PITPNM3: variants seen among roughly 807,000 people sequenced by gnomAD.
PITPNM3 encodes membrane-associated phosphatidylinositol transfer protein 3.
A neutral mutation model predicts 102.0 loss-of-function variants in PITPNM3; 26 were observed. The ratio of observed to expected loss-of-function variants is 0.25; its 90% CI spans 0.19 to 0.35. PITPNM3 has a LOEUF of 0.35. PITPNM3 is among the 10% of genes least tolerant of loss of function. The probability of loss-of-function intolerance (pLI) is 1.00; values close to 1 mark genes in which losing one functional copy is unlikely to be tolerated. For synonymous variants in PITPNM3, 578 were observed against 558.6 expected (o/e 1.03, Z -0.49); for missense variants, 1,083 against 1,346.1 (o/e 0.80, Z 3.06).
intron 3 of PITPNM3, among the ~76,000 whole-genome samples, chr17:6,524,684 C>T (rs1229486918): frequency 9.9e-5 from 15 of 152,186 alleles, no homozygotes; most frequent in Admixed American, 5.9e-4. Context: ...TTGACTTATA[C>T]GTGTCACACA....
intron 1 of PITPNM3, among the ~76,000 whole-genome samples, chr17:6,541,966 G>A (rs938519982): frequency 6.6e-6 from 1 of 152,242 alleles, no homozygotes; most frequent in African/African-American, 2.4e-5. Context: ...TAGACATACT[G>A]AATCCCCACC....
At chr17:6,532,658 T>C (rs1909205198) in intron 2 of PITPNM3, among the ~76,000 whole-genome samples, 1 of 152,180 alleles carries the variant, frequency 6.6e-6, no homozygotes, top group South Asian at 2.1e-4. Context: ...TATTGTTGCA[T>C]ATATCCGTGG....
chr17:6,556,495 C>A lies in PITPNM3; in HGVS notation c.-89G>T. 1 of 904,976 alleles carries A rather than the reference C, an allele frequency of 1.1e-6. No homozygotes were observed. The highest frequency in any genetic ancestry group is 1.3e-6 in the Non-Finnish European group (1 of 750,860). The allele number at this position is 904,976 out of a possible 1,614,324, so 56.1% of individuals were successfully genotyped here. A position where few individuals can be genotyped will look rare whatever the true frequency, so the allele number is the denominator to read the frequency against. ...ACCGCCTCCGGCCCCGAACGGACTC[C>A]GAGCGCCGCGCCCGCGCCCCCGCCC... On this transcript the variant is annotated 5_prime_UTR_variant, in exon 1 of 20. Coordinates refer to ENST00000262483, the MANE Select transcript of PITPNM3 (RefSeq NM_031220.4). The surrounding 1 kb of genome is among the most constrained non-coding windows in gnomAD (Gnocchi z 5.2).
intron 6 of PITPNM3, among the ~76,000 whole-genome samples, chr17:6,482,045 T>C (rs1905761894): frequency 1.1e-5 from 1 of 90,124 alleles, no homozygotes. Context: ...TGTCTGTCTC[T>C]CTCTCTCTCT....
chr17:6,459,484 A>G lies in PITPNM3; in HGVS notation c.2491-1762T>C, dbSNP rs1038083732. Reference sequence around the variant, plus strand: ...TCTCATGGCTCCACTGATCCGTCTCATGCATCTGTTTCCCAGTCTCCACCT... The same window carrying G: ...TCTCATGGCTCCACTGATCCGTCTCGTGCATCTGTTTCCCAGTCTCCACCT... On this transcript the variant is annotated intron_variant, in intron 18 of 19. Coordinates refer to ENST00000262483, the MANE Select transcript of PITPNM3 (RefSeq NM_031220.4). This position sits in a 1 kb window ranked among gnomAD's most constrained non-coding sequence, Gnocchi z 5.0. 1.3e-5 allele frequency among the ~76,000 whole-genome samples: 2 copies of G among 151,854 alleles called. No homozygotes were observed. The highest frequency in any genetic ancestry group is 1.5e-5 in the Non-Finnish European group (1 of 67,980).
intron 3 of PITPNM3, among the ~76,000 whole-genome samples, chr17:6,518,280 G>A (rs1356246423): frequency 6.6e-6 from 1 of 152,200 alleles, no homozygotes. Context: ...ATGATGGACA[G>A]TGAGGGGGCT....
At chr17:6,533,004 G>A (rs978604565) in intron 2 of PITPNM3, among the ~76,000 whole-genome samples, 7 of 152,096 alleles carry the variant, frequency 4.6e-5, no homozygotes, top group Admixed American at 3.3e-4. Flanking sequence ...CTCTTGTTGC[G>A]CAGGCTGGAG....
chr17:6,541,506 G>GACCAGGT (rs1290055463), intron 1 of PITPNM3, among the ~76,000 whole-genome samples: 2 of 152,136 alleles, frequency 1.3e-5, no homozygotes, highest in Admixed American at 1.3e-4. Flanking sequence ...AATGGAGCCT[G>GACCAGGT]ACCAGGTAGG....
intron 3 of PITPNM3, among the ~76,000 whole-genome samples, chr17:6,520,443 G>C (rs4128288): frequency 0.55 from 83,057 of 152,054 alleles, 24,798 homozygotes; most frequent in Middle Eastern, 0.68. Flanking sequence ...TACAGGTAAA[G>C]AGAACAGAGT....
At chr17:6,466,777 T>C (rs943886641) in intron 14 of PITPNM3, among the ~76,000 whole-genome samples, 1 of 151,570 alleles carries the variant, frequency 6.6e-6, no homozygotes, top group Non-Finnish European at 1.5e-5. Flanking sequence ...ACAGGAGAAA[T>C]GAAAAACACA....
At position 6,517,321 on chromosome 17, in the gene PITPNM3, C is replaced by T. The variant is rs932630072; in HGVS notation, c.226+8035G>A. 2.0e-5 allele frequency among the ~76,000 whole-genome samples: 3 copies of T among 152,168 alleles called. No individual in the cohort carries two copies. The highest frequency in any genetic ancestry group is 4.4e-5 in the Non-Finnish European group (3 of 68,034). On this transcript the variant is annotated intron_variant, in intron 3 of 19. Transcript: ENST00000262483. This position sits in a 1 kb window ranked among gnomAD's most constrained non-coding sequence, Gnocchi z 4.1. ...GAGGGGGAGGTGGCGGAGGAGTTGT[C>T]ACTGCCAAAGCCACCATGATGAGAA...
At chr17:6,464,849 A>G (rs1349168158) in intron 14 of PITPNM3, 78 bp from the exon 15 acceptor site, 5 of 1,368,544 alleles carry the variant, frequency 3.7e-6, no homozygotes, top group Non-Finnish European at 5.2e-6. Flanking sequence ...TGTTCCTCAG[A>G]CTGGCTGGAG....
intron 3 of PITPNM3, among the ~76,000 whole-genome samples, chr17:6,516,563 C>CAAAA (rs34384161): frequency 7.0e-5 from 8 of 113,778 alleles, no homozygotes; most frequent in Admixed American, 2.0e-4. Flanking sequence ...GACTCCGCCT[C>CAAAA]AAAAAAAAAA....
chr17:6,454,992 G>A lies in PITPNM3; in HGVS notation c.*346C>T, dbSNP rs563332544. 3.7e-5 allele frequency: 12 copies of A among 322,936 alleles called. No individual in the cohort carries two copies. The South Asian group carries it at 4.8e-4, about 13-fold the overall frequency. 20.0% of individuals were successfully genotyped at this position (322,936 alleles called of 1,614,324 possible). A position where few individuals can be genotyped will look rare whatever the true frequency, so the allele number is the denominator to read the frequency against. On this transcript the variant is annotated 3_prime_UTR_variant, in exon 20 of 20. Transcript: ENST00000262483. ...CTTGAGGGCCTGCCTAGCTCGCTGTGAAGCCTGGGGACGCAGGAGGGTGGT... is the reference window on the plus strand; with the variant it reads ...CTTGAGGGCCTGCCTAGCTCGCTGTAAAGCCTGGGGACGCAGGAGGGTGGT...
At chr17:6,491,577 G>GTCCCTAGGCAGC (rs1906487385) in intron 4 of PITPNM3, among the ~76,000 whole-genome samples, 1 of 152,118 alleles carries the variant, frequency 6.6e-6, no homozygotes, top group African/African-American at 2.4e-5. Context: ...GCACATCCCT[G>GTCCCTAGGCAGC]TCCCTAGGCA....
At chr17:6,474,323 T>C (rs1478675494) in intron 10 of PITPNM3, 109 bp downstream of exon 10, 2 of 1,419,510 alleles carry the variant, frequency 1.4e-6, no homozygotes, top group African/African-American at 1.4e-5. Flanking sequence ...CCCAACTCTG[T>C]GACCCTCCCT....
At chr17:6,495,446 A>G (rs1906743128) in intron 4 of PITPNM3, among the ~76,000 whole-genome samples, 1 of 152,048 alleles carries the variant, frequency 6.6e-6, no homozygotes, top group Non-Finnish European at 1.5e-5. Flanking sequence ...AGATCCTCAC[A>G]CCCTGGCCCT....
At chr17:6,503,634 T>A in intron 3 of PITPNM3, 60 bp from the exon 4 acceptor site, 1 of 1,565,648 alleles carries the variant, frequency 6.4e-7, no homozygotes, top group Non-Finnish European at 8.7e-7. Context: ...GCACTGTGTT[T>A]CCCAGGGAGG....
chr17:6,529,890 G>A (rs888145439), intron 2 of PITPNM3, among the ~76,000 whole-genome samples: 7 of 151,932 alleles, frequency 4.6e-5, no homozygotes, highest in African/African-American at 1.4e-4. Context: ...AGACATGTTG[G>A]GGCTGGTTCC....
Sources: allele counts gnomAD v4.1 joint callset (sites outside exome capture counted in the v4.1 genomes callset), GRCh38; gene constraint gnomAD v4.1.1; non-coding constraint Gnocchi (gnomAD v3.1); transcripts MANE v1.5; gene names NCBI Gene and HGNC (gene_info 2026-07-23, HGNC 2026-07-21).